CEP63: variants seen among roughly 807,000 people sequenced by gnomAD.
The protein encoded by CEP63 is centrosomal protein 63, also known as centrosomal protein of 63 kDa.
In CEP63, 84 loss-of-function variants were observed where a neutral mutation model predicts 89.1. That is an observed-to-expected ratio of 0.94 (90% CI 0.79 to 1.13). The LOEUF (loss-of-function observed/expected upper bound fraction) is 1.13. Among genes scored for constraint, CEP63 ranks in the 50% most tolerant of loss-of-function variants. CEP63 has a pLI of 0.00. For synonymous variants in CEP63, 267 were observed against 272.5 expected, an observed-to-expected ratio of 0.98 and a Z score of 0.20; for missense variants, 838 against 813.3, an observed-to-expected ratio of 1.03 and a Z score of -0.37.
the CEP63 span, chr3:134,608,934 G>A: frequency 7.1e-7 from 1 of 1,405,214 alleles, no homozygotes; most frequent in Non-Finnish European, 9.6e-7. Context: ...CACCCTGGAT[G>A]GGAAGAGGCA....
the CEP63 span, chr3:134,627,687 G>T: frequency 7.1e-7 from 1 of 1,403,924 alleles, no homozygotes; most frequent in Non-Finnish European, 1.0e-6. Flanking sequence ...ACTGTCAATT[G>T]GAGATTAGTC....
At chr3:134,526,766 G>A (rs1394448406) in intron 3 of CEP63, among the ~76,000 whole-genome samples, 1 of 151,864 alleles carries the variant, frequency 6.6e-6, no homozygotes, top group African/African-American at 2.4e-5. Context: ...GCTGACCCTT[G>A]GATGAGGTTT....
At chr3:134,605,345 C>T in the CEP63 span, among the ~76,000 whole-genome samples, 2 of 152,206 alleles carry the variant, frequency 1.3e-5, no homozygotes, top group East Asian at 1.9e-4. Flanking sequence ...GCAACCTCCC[C>T]AGCCCCGTTC....
At chr3:134,522,074 T>G (rs1947584613) in intron 3 of CEP63, among the ~76,000 whole-genome samples, 1 of 152,204 alleles carries the variant, frequency 6.6e-6, no homozygotes, top group Non-Finnish European at 1.5e-5. Context: ...TTGGATCTGG[T>G]ACTGTCATCT....
chr3:134,620,816 C>T, the CEP63 span: 4 of 1,613,292 alleles, frequency 2.5e-6, no homozygotes, highest in Non-Finnish European at 3.4e-6. Context: ...CCTCCTGGAG[C>T]AGGTCACTCA....
rs34972057 is a variant in CEP63 at position 134,562,063 on chromosome 3, AG to A, written c.*536del. 1.1e-4 allele frequency: 110 copies of A among 994,288 alleles called. No individual in the cohort carries two copies. The highest frequency in any genetic ancestry group is 2.3e-4 in the Admixed American group (4 of 17,646). The allele number at this position is 994,288 out of a possible 1,614,324, so 61.6% of individuals were successfully genotyped here. On this transcript the variant is annotated 3_prime_UTR_variant, in exon 15 of 15. Coordinates refer to ENST00000675561, the MANE Select transcript of CEP63 (RefSeq NM_001353108.3). The stretch of plus-strand genomic sequence containing the variant: ...TGTAAAGTCAGGCTGGTAGTGAATA[AG>A]GGGGGGGTGTGCTAAAGAACCTTAT...
chr3:134,678,412 GT>G, the CEP63 span, among the ~76,000 whole-genome samples: 1 of 152,112 alleles, frequency 6.6e-6, no homozygotes. Context: ...CTATTACATT[GT>G]TTAAATAGGC....
At chr3:134,576,815 G>C (rs950271941), downstream of CEP63, among the ~76,000 whole-genome samples, 1 of 151,996 alleles carries the variant, frequency 6.6e-6, no homozygotes, top group African/African-American at 2.4e-5. Flanking sequence ...GGGCACGCGT[G>C]GGGTGACTTG....
At chr3:134,738,249 T>TACACACACACACACACACATACACAC in the CEP63 span, among the ~76,000 whole-genome samples, 3 of 145,596 alleles carry the variant, frequency 2.1e-5, no homozygotes, top group African/African-American at 7.9e-5. Context: ...TATTCCATCA[T>TACACACACACACACACACATACACAC]ACACACACAC....
chr3:134,558,388 C>T, intron 13 of CEP63, 41 bp downstream of exon 13: 1 of 1,238,026 alleles, frequency 8.1e-7, no homozygotes, highest in East Asian at 2.4e-5. Flanking sequence ...TGTATTGGTA[C>T]AATATAATTC....
At chr3:134,616,705 G>A in the CEP63 span, among the ~76,000 whole-genome samples, 2 of 152,154 alleles carry the variant, frequency 1.3e-5, no homozygotes, top group South Asian at 4.1e-4. Flanking sequence ...TTAAGTATCT[G>A]GACCAGGGCA....
chr3:134,512,106 C>A (rs530294730), intron 3 of CEP63, among the ~76,000 whole-genome samples: 7 of 152,196 alleles, frequency 4.6e-5, no homozygotes, highest in African/African-American at 1.4e-4. Context: ...GTATATCCAT[C>A]TTTTGCTGAG....
chr3:134,656,804 G>A, the CEP63 span, among the ~76,000 whole-genome samples: 7 of 152,236 alleles, frequency 4.6e-5, no homozygotes, highest in East Asian at 1.4e-3. Flanking sequence ...CCATCTGGGT[G>A]AGCTGGGTCA....
the CEP63 span, among the ~76,000 whole-genome samples, chr3:134,781,451 A>C: frequency 3.3e-5 from 5 of 152,230 alleles, no homozygotes; most frequent in African/African-American, 1.2e-4. Context: ...AAAATGCTGT[A>C]TTATTCATGT....
the CEP63 span, among the ~76,000 whole-genome samples, chr3:134,645,418 A>G: frequency 2.0e-5 from 3 of 152,192 alleles, no homozygotes; most frequent in Admixed American, 6.5e-5. Context: ...GCCATCAGCC[A>G]CTTCCTTCTA....
At chr3:134,726,296 G>A in the CEP63 span, among the ~76,000 whole-genome samples, 54 of 152,048 alleles carry the variant, frequency 3.6e-4, no homozygotes, top group African/African-American at 8.9e-4. Flanking sequence ...CTTTCTGGGC[G>A]CCACCAGGCC....
downstream of CEP63, among the ~76,000 whole-genome samples, chr3:134,575,700 A>C (rs1034623964): frequency 6.6e-6 from 1 of 151,544 alleles, no homozygotes; most frequent in Non-Finnish European, 1.5e-5. Flanking sequence ...CAGCTTAGGC[A>C]TCCTGGCCTC....
chr3:134,584,956 G>GTTTTTTTTTTTGTT (rs1553799204), intron 10 of CEP63, among the ~76,000 whole-genome samples: 1 of 36,038 alleles, frequency 2.8e-5, no homozygotes, highest in African/African-American at 8.5e-5. Context: ...ATTTTCTAGG[G>GTTTTTTTTTTTGTT]TTTTTTTTTT....
At chr3:134,518,723 T>C (rs1217244186) in intron 3 of CEP63, among the ~76,000 whole-genome samples, 1 of 151,918 alleles carries the variant, frequency 6.6e-6, no homozygotes, top group Non-Finnish European at 1.5e-5. Context: ...AGGCTGAAAG[T>C]GATCTAAGTA....
Sources: gnomAD v4.1 joint callset for allele counts (sites outside exome capture counted in the v4.1 genomes callset) on GRCh38, gnomAD v4.1.1 for gene constraint, MANE v1.5 for transcripts, NCBI Gene and HGNC (gene_info 2026-07-23, HGNC 2026-07-21) for gene names.